Variants in SOX5 observed in about 807,000 individuals in gnomAD.
SOX5 encodes transcription factor SOX-5.
Under a neutral mutation model 92.0 loss-of-function variants are expected in SOX5, and 9 were observed. The ratio of observed to expected loss-of-function variants is 0.10; its 90% CI spans 0.06 to 0.17. The LOEUF (loss-of-function observed/expected upper bound fraction) is 0.17. Among genes scored for constraint, SOX5 ranks in the 10% least tolerant of loss-of-function variants. The pLI, the probability that SOX5 is intolerant of heterozygous loss-of-function variation, is 1.00. For missense variants in SOX5, 642 were observed against 944.5 expected (o/e 0.68, Z 4.20); for synonymous variants, 344 against 336.3 (o/e 1.02, Z -0.25).
chr12:24,118,032 A>AG (rs1565471989), intron 4 of SOX5, among the ~76,000 whole-genome samples: 51 of 149,264 alleles, frequency 3.4e-4, no homozygotes, highest in African/African-American at 1.2e-3. Flanking sequence ...AAAAAAAAAA[A>AG]AAAAAAGAAA....
chr12:24,552,106 T>A (rs1017804770), intron 1 of SOX5, among the ~76,000 whole-genome samples: 9 of 151,994 alleles, frequency 5.9e-5, no homozygotes, highest in Non-Finnish European at 1.2e-4. Context: ...CCTAGATTCC[T>A]TATGTCAGGT....
rs1285022099 is a variant in SOX5, at chr12:23,582,108, T to C, written c.1165-6270A>G. 15 of 973,480 alleles carry C rather than the reference T, an allele frequency of 1.5e-5. No individual in the cohort carries two copies. The East Asian group carries it at 1.4e-3, about 89-fold the overall frequency. The allele number at this position is 973,480 out of a possible 1,614,324, so 60.3% of individuals were successfully genotyped here. On this transcript the variant is annotated intron_variant, in intron 9 of 14. Coordinates refer to ENST00000451604, the MANE Select transcript of SOX5 (RefSeq NM_006940.6). ...GATGAAATGATCGTATTAACCTAAG[T>C]AGGGAAGTTACATGACAGCCTGAAT...
At chr12:24,433,443 T>G (rs1417420462) in intron 1 of SOX5, among the ~76,000 whole-genome samples, 1 of 152,210 alleles carries the variant, frequency 6.6e-6, no homozygotes, top group African/African-American at 2.4e-5. Context: ...CTCACTTGAT[T>G]AAAGATGAAC....
intron 3 of SOX5, among the ~76,000 whole-genome samples, chr12:23,798,260 A>C (rs2095600189): frequency 1.3e-5 from 2 of 151,996 alleles, no homozygotes; most frequent in Non-Finnish European, 2.9e-5. Flanking sequence ...CTTGGCATTC[A>C]ACAAACATTC....
At chr12:24,537,229 C>T (rs970583501) in intron 1 of SOX5, among the ~76,000 whole-genome samples, 2 of 152,144 alleles carry the variant, frequency 1.3e-5, no homozygotes, top group Admixed American at 1.3e-4. Flanking sequence ...AATTATTCTG[C>T]AACTGGTAAC....
At chr12:23,865,679 A>AC (rs1568456358) in intron 2 of SOX5, among the ~76,000 whole-genome samples, 1 of 152,120 alleles carries the variant, frequency 6.6e-6, no homozygotes, top group Non-Finnish European at 1.5e-5. Flanking sequence ...CGTCTCAAAA[A>AC]AAACGAAAAA....
upstream of SOX5, among the ~76,000 whole-genome samples, chr12:23,954,165 C>T (rs4963731): frequency 0.035 from 5,377 of 151,932 alleles, 475 homozygotes; most frequent in East Asian, 0.27. Flanking sequence ...TATTTTAATA[C>T]CTGAAATAAA....
intron 4 of SOX5, among the ~76,000 whole-genome samples, chr12:24,018,844 C>T (rs1355331866): frequency 1.3e-5 from 2 of 152,118 alleles, no homozygotes; most frequent in East Asian, 3.9e-4. Flanking sequence ...TATAACCTGG[C>T]ATGAGGTTCC....
At chr12:24,332,886 T>C (rs1362927804) in intron 2 of SOX5, among the ~76,000 whole-genome samples, 3 of 152,062 alleles carry the variant, frequency 2.0e-5, no homozygotes, top group Admixed American at 6.5e-5. Flanking sequence ...AAAATAAACA[T>C]TGTAAACTGT....
intron 3 of SOX5, among the ~76,000 whole-genome samples, chr12:23,804,700 A>T (rs373582617): frequency 6.6e-6 from 1 of 151,450 alleles, no homozygotes; most frequent in Non-Finnish European, 1.5e-5. Flanking sequence ...TCCCAACTCA[A>T]TCTCTCCAGA....
chr12:24,323,399 T>C (rs1320733596), intron 2 of SOX5, among the ~76,000 whole-genome samples: 2 of 151,714 alleles, frequency 1.3e-5, no homozygotes, highest in African/African-American at 4.8e-5. Context: ...TTCAAAATTC[T>C]AGACACAAGT....
At chr12:23,939,871 G>A (rs952939847) in intron 1 of SOX5, among the ~76,000 whole-genome samples, 2 of 150,912 alleles carry the variant, frequency 1.3e-5, no homozygotes, top group African/African-American at 4.8e-5. Flanking sequence ...GGCTGGCCTG[G>A]TAATGCTAAT....
chr12:24,144,750 G>T (rs571814957), intron 4 of SOX5, among the ~76,000 whole-genome samples: 1 of 152,092 alleles, frequency 6.6e-6, no homozygotes, highest in East Asian at 1.9e-4. Context: ...GATTGCTCGG[G>T]CCCAGGAGTT....
chr12:24,284,448 G>GTGTT (rs1160417440), intron 2 of SOX5, among the ~76,000 whole-genome samples: 1 of 151,600 alleles, frequency 6.6e-6, no homozygotes, highest in Non-Finnish European at 1.5e-5. Flanking sequence ...GTGTGTGTGT[G>GTGTT]TGTGTGCGTG....
chr12:24,361,230 T>A (rs1426769999), intron 2 of SOX5, among the ~76,000 whole-genome samples: 1 of 152,128 alleles, frequency 6.6e-6, no homozygotes, highest in Non-Finnish European at 1.5e-5. Flanking sequence ...ACAATGCAGA[T>A]CCCATTTCTT....
Position 24,369,772 on chromosome 12 carries a change from G to T in SOX5, c.-250-1133C>A, listed in dbSNP as rs1033137877. On this transcript the variant is annotated intron_variant, in intron 1 of 4. Coordinates refer to the SOX5 transcript ENST00000446891. ...ATGTCAGAAGTGTGGATTATATTGTGCAGAGAACTGGCTTCCTCTAATCTT... is the reference window on the plus strand; with the variant it reads ...ATGTCAGAAGTGTGGATTATATTGTTCAGAGAACTGGCTTCCTCTAATCTT... 8.5e-5 allele frequency among the ~76,000 whole-genome samples: 13 copies of T among 152,210 alleles called. 1 individual carries two copies. Among genetic ancestry groups the T allele is most frequent in the Admixed American group, 6.5e-4 (10 of 15,286 alleles).
chr12:24,394,130 A>G (rs993954685), intron 1 of SOX5, among the ~76,000 whole-genome samples: 2 of 152,162 alleles, frequency 1.3e-5, no homozygotes, highest in Non-Finnish European at 2.9e-5. Flanking sequence ...AGTGGGTTTT[A>G]TCACACACAA....
At chr12:24,296,282 C>T (rs1373261161) in intron 2 of SOX5, among the ~76,000 whole-genome samples, 2 of 152,188 alleles carry the variant, frequency 1.3e-5, no homozygotes, top group African/African-American at 4.8e-5. Flanking sequence ...AGGAACACTG[C>T]AAAATAACAC....
chr12:24,222,124 G>A (rs1046277235), intron 3 of SOX5, among the ~76,000 whole-genome samples: 2 of 152,176 alleles, frequency 1.3e-5, no homozygotes, highest in Middle Eastern at 3.2e-3. Context: ...CAGTGAGGTT[G>A]TTATTGGCAT....
Sources: gnomAD v4.1 joint callset for allele counts (sites outside exome capture counted in the v4.1 genomes callset) on GRCh38, gnomAD v4.1.1 for gene constraint, MANE v1.5 for transcripts, NCBI Gene and HGNC (gene_info 2026-07-23, HGNC 2026-07-21) for gene names.